SGK1: variants seen among roughly 807,000 people sequenced by gnomAD.
The protein encoded by SGK1 is serum/glucocorticoid regulated kinase 1.
A neutral mutation model predicts 64.2 loss-of-function variants in SGK1; 26 were observed. The observed-to-expected ratio is 0.40, with a 90% CI of 0.30 to 0.56. The LOEUF (loss-of-function observed/expected upper bound fraction) is 0.56, where lower values mean the gene tolerates loss of function less well. Ranked by LOEUF, SGK1 falls within the 20% of genes least tolerant of loss-of-function variation. The pLI is 0.38. For synonymous variants in SGK1, 265 were observed against 239.7 expected, an observed-to-expected ratio of 1.11 and a Z score of -0.98; for missense variants, 519 against 645.6, an observed-to-expected ratio of 0.80 and a Z score of 2.12.
At chr6:134,250,353 A>G (rs1182429397) in intron 2 of SGK1, among the ~76,000 whole-genome samples, 1 of 152,212 alleles carries the variant, frequency 6.6e-6, no homozygotes, top group African/African-American at 2.4e-5. Flanking sequence ...TCACTTATAT[A>G]ATACCAGTGC....
chr6:134,189,183 T>TATTAACTACC (rs1775468700), intron 3 of SGK1, among the ~76,000 whole-genome samples: 1 of 151,716 alleles, frequency 6.6e-6, no homozygotes, highest in South Asian at 2.1e-4. Context: ...AGATACTGCA[T>TATTAACTACC]ATTAACTACC....
intron 2 of SGK1, among the ~76,000 whole-genome samples, chr6:134,215,867 T>C (rs1011280479): frequency 6.6e-6 from 1 of 151,984 alleles, no homozygotes; most frequent in African/African-American, 2.4e-5. Context: ...AAATACAAAA[T>C]TAGCCAGGCG....
In SGK1 at chr6:134,176,447, G is replaced by A. The variant is rs537559024; in HGVS notation, c.362-1861C>T. ...AGAACAGCGATGCCGGTGCCTTCCA[G>A]TAACCCCGCGGCTGGGGGATGTCTG... On this transcript the variant is annotated intron_variant, in intron 3 of 13. Transcript: ENST00000367858. Among the ~76,000 whole-genome samples the A allele has an allele frequency of 2.6e-5, 4 of 152,342 alleles. No individual in the cohort carries two copies. The South Asian group carries it at 8.3e-4, about 32-fold the overall frequency.
chr6:134,177,148 A>G (rs1194509326), intron 3 of SGK1, among the ~76,000 whole-genome samples: 1 of 152,180 alleles, frequency 6.6e-6, no homozygotes, highest in Non-Finnish European at 1.5e-5. Context: ...CGGGAGGCGG[A>G]GGTTGCAGTG....
chr6:134,188,692 T>C (rs1319013538), intron 3 of SGK1, among the ~76,000 whole-genome samples: 2 of 151,904 alleles, frequency 1.3e-5, no homozygotes, highest in Non-Finnish European at 2.9e-5. Flanking sequence ...TTCCACACCT[T>C]CATTTTCTTA....
At chr6:134,175,615 A>AG in intron 3 of SGK1, 1 of 1,542,240 alleles carries the variant, frequency 6.5e-7, no homozygotes, top group East Asian at 2.5e-5. Context: ...GGGCCGCAGC[A>AG]GGGACTCGAG....
At chr6:134,174,409 CAGA>C (rs928716401) in intron 4 of SGK1, 99 bp downstream of exon 4, 19 of 778,930 alleles carry the variant, frequency 2.4e-5, no homozygotes, top group Non-Finnish European at 3.0e-5. Flanking sequence ...ATCCCCACCC[CAGA>C]AGAAGTCTTC....
chr6:134,272,127 C>G (rs1444128615), intron 1 of SGK1, among the ~76,000 whole-genome samples: 3 of 139,458 alleles, frequency 2.2e-5, no homozygotes, highest in African/African-American at 5.2e-5. Context: ...CAGGCATGAG[C>G]CACCGTGCCC....
intron 3 of SGK1, chr6:134,175,653 C>T (rs756259266): frequency 2.6e-6 from 4 of 1,522,622 alleles, no homozygotes; most frequent in Non-Finnish European, 3.5e-6. Flanking sequence ...CGCCCTGCAT[C>T]TCCCCCATGG....
intron 1 of SGK1, among the ~76,000 whole-genome samples, chr6:134,281,471 AT>A (rs1000635488): frequency 2.6e-5 from 4 of 152,000 alleles, no homozygotes; most frequent in African/African-American, 9.7e-5. Flanking sequence ...TAATGTTGTA[AT>A]TATTCACAGT....
At chr6:134,280,012 G>C (rs1345001268) in intron 1 of SGK1, among the ~76,000 whole-genome samples, 2 of 151,968 alleles carry the variant, frequency 1.3e-5, no homozygotes, top group Non-Finnish European at 2.9e-5. Flanking sequence ...GGGCAACATA[G>C]TGAGATCTCA....
intron 3 of SGK1, among the ~76,000 whole-genome samples, chr6:134,179,102 TTGA>T (rs765957082): frequency 1.3e-5 from 2 of 152,202 alleles, no homozygotes; most frequent in Non-Finnish European, 2.9e-5. Context: ...TTATAAATTA[TTGA>T]TATTTCTCAA....
At chr6:134,218,759 A>C (rs941362287) in intron 2 of SGK1, 1 of 152,166 alleles carries the variant, frequency 6.6e-6, no homozygotes, top group East Asian at 1.9e-4. Flanking sequence ...TGATGCTGGT[A>C]GTTGAGGTGG....
At chr6:134,300,146 TC>T (rs1777425390) in intron 1 of SGK1, among the ~76,000 whole-genome samples, 1 of 152,158 alleles carries the variant, frequency 6.6e-6, no homozygotes, top group Admixed American at 6.5e-5. Flanking sequence ...TGTTAATTTG[TC>T]TAAAGTGCTG....
chr6:134,243,847 G>A (rs1184252442), intron 2 of SGK1, among the ~76,000 whole-genome samples: 4 of 151,984 alleles, frequency 2.6e-5, no homozygotes, highest in Admixed American at 6.6e-5. Flanking sequence ...AAGCTCCATT[G>A]CATTTTTATC....
intron 2 of SGK1, among the ~76,000 whole-genome samples, chr6:134,234,568 G>A (rs1776335008): frequency 6.6e-6 from 1 of 152,104 alleles, no homozygotes; most frequent in African/African-American, 2.4e-5. Flanking sequence ...GTGAACTTCT[G>A]GAATTCACGT....
At chr6:134,228,427 G>GA (rs1776221782) in intron 2 of SGK1, among the ~76,000 whole-genome samples, 1 of 151,996 alleles carries the variant, frequency 6.6e-6, no homozygotes, top group Non-Finnish European at 1.5e-5. Context: ...ACATAACATT[G>GA]AAAAAAGGTA....
chr6:134,293,864 C>T (rs889436036), intron 1 of SGK1, among the ~76,000 whole-genome samples: 1 of 152,166 alleles, frequency 6.6e-6, no homozygotes, highest in South Asian at 2.1e-4. Flanking sequence ...AGATAAATGG[C>T]CACATCCCAG....
At chr6:134,273,161 C>CT (rs1374601962) in intron 1 of SGK1, among the ~76,000 whole-genome samples, 1 of 147,696 alleles carries the variant, frequency 6.8e-6, no homozygotes, top group Middle Eastern at 3.2e-3. Context: ...AAGCCCAGTG[C>CT]TTGACACCAG....
Sources: gnomAD v4.1 joint callset for allele counts (sites outside exome capture counted in the v4.1 genomes callset) on GRCh38, gnomAD v4.1.1 for gene constraint, MANE v1.5 for transcripts, NCBI Gene and HGNC (gene_info 2026-07-23, HGNC 2026-07-21) for gene names.